CDS1: variants seen among roughly 807,000 people sequenced by gnomAD.
The protein encoded by CDS1 is CDP-diacylglycerol synthase 1.
Under a neutral mutation model 62.1 loss-of-function variants are expected in CDS1, and 41 were observed. The observed-to-expected ratio is 0.66, with a 90% CI of 0.51 to 0.86. CDS1 has a LOEUF of 0.86. CDS1 is among the 40% of genes least tolerant of loss of function. The pLI, the probability that CDS1 is intolerant of heterozygous loss-of-function variation, is 0.00. For synonymous variants in CDS1, 185 were observed against 192.6 expected (o/e 0.96, Z 0.32); for missense variants, 470 against 550.1 (o/e 0.85, Z 1.46).
At chr4:84,585,816 G>A (rs1336928620) in intron 1 of CDS1, among the ~76,000 whole-genome samples, 1 of 152,186 alleles carries the variant, frequency 6.6e-6, no homozygotes, top group Non-Finnish European at 1.5e-5. Flanking sequence ...AGTGTTAAAT[G>A]TTGGAGTGGT....
rs1394834287 is a variant in CDS1 at position 84,583,315 on chromosome 4, G to A, written c.-87G>A. 2 of 969,464 alleles carry A rather than the reference G, an allele frequency of 2.1e-6. No homozygotes were observed. Among genetic ancestry groups the A allele is most frequent in the Admixed American group, 4.5e-5 (2 of 44,296 alleles). 60.1% of individuals were successfully genotyped at this position (969,464 alleles called of 1,614,324 possible). A position where few individuals can be genotyped will look rare whatever the true frequency, so the allele number is the denominator to read the frequency against. On this transcript the variant is annotated 5_prime_UTR_variant, in exon 1 of 13. Coordinates refer to ENST00000295887, the MANE Select transcript of CDS1 (RefSeq NM_001263.4). ...GGACTCCAGGGCGCGGCTGCGAGGT[G>A]GCGGGGCGCCCCGCCTGCAGAACCC...
At chr4:84,620,292 A>G (rs1403495959) in intron 5 of CDS1, among the ~76,000 whole-genome samples, 1 of 132,376 alleles carries the variant, frequency 7.6e-6, no homozygotes, top group Non-Finnish European at 1.5e-5. Flanking sequence ...GTGTGATCTC[A>G]GCTCACTGCA....
At chr4:84,619,362 A>C (rs948719922) in intron 4 of CDS1, 32 bp from the exon 5 acceptor site, 1 of 1,258,866 alleles carries the variant, frequency 7.9e-7, no homozygotes, top group Non-Finnish European at 1.1e-6. Context: ...AAAGCTTCAA[A>C]TATAGAAAAG....
intron 6 of CDS1, among the ~76,000 whole-genome samples, chr4:84,632,986 T>C (rs1285173416): frequency 6.6e-6 from 1 of 152,010 alleles, no homozygotes; most frequent in African/African-American, 2.4e-5. Flanking sequence ...TAACCGGGCG[T>C]GGTGGCACAC....
Position 84,609,497 on chromosome 4 carries a change from A to C in CDS1, c.314A>C (p.Tyr105Ser). ...TMISLFFLII[Y>S]MGSFMLMLLV... ...ATCTCGTTGTTTTTCCTGATCATCT[A>C]TATGGGATCCTTCATGCTGATGCTT... Residue 105 changes from tyrosine (Y) to serine (S), a missense_variant, in exon 3 of 13, where the codon TAT becomes TCT. By Grantham distance (144) the Tyr-to-Ser change is moderately radical. This residue lies in a region of CDS1 where 150 missense variants were observed against 142.0 expected (regional missense o/e 1.06). Coordinates refer to ENST00000295887, the MANE Select transcript of CDS1 (RefSeq NM_001263.4). The C allele has an allele frequency of 6.2e-7, 1 of 1,606,938 alleles. No individual in the cohort carries two copies. Among genetic ancestry groups the C allele is most frequent in the Non-Finnish European group, 8.5e-7 (1 of 1,173,816 alleles).
chr4:84,604,410 AT>A, intron 2 of CDS1, 40 bp downstream of exon 2: 1 of 1,598,700 alleles, frequency 6.3e-7, no homozygotes, highest in Non-Finnish European at 8.5e-7. Context: ...AGTGCACAAG[AT>A]AGGCTTTGAG....
At chr4:84,607,978 G>A (rs1169212315) in intron 2 of CDS1, among the ~76,000 whole-genome samples, 1 of 152,142 alleles carries the variant, frequency 6.6e-6, no homozygotes, top group Non-Finnish European at 1.5e-5. Context: ...ATATGACATG[G>A]TAACACAAGG....
intron 10 of CDS1, among the ~76,000 whole-genome samples, chr4:84,642,114 T>G (rs1210949661): frequency 6.6e-6 from 1 of 152,154 alleles, no homozygotes; most frequent in Non-Finnish European, 1.5e-5. Flanking sequence ...GATCACCTGA[T>G]GCCAGGAGTT....
At chr4:84,599,403 CACATATATAT>C (rs1270541242) in intron 1 of CDS1, among the ~76,000 whole-genome samples, 87 of 17,142 alleles carry the variant, frequency 5.1e-3, no homozygotes, top group Non-Finnish European at 6.6e-3. Context: ...GACACACACA[CACATATATAT>C]ATATATATAT....
chr4:84,622,609 T>C (rs1319242770), intron 5 of CDS1, among the ~76,000 whole-genome samples: 3 of 152,006 alleles, frequency 2.0e-5, no homozygotes, highest in African/African-American at 7.2e-5. Flanking sequence ...ATAATAATAA[T>C]AATAAAAGAA....
intron 1 of CDS1, 129 bp from the exon 2 acceptor site, chr4:84,604,114 T>A (rs1450754900): frequency 1.3e-6 from 1 of 741,258 alleles, no homozygotes; most frequent in Non-Finnish European, 2.2e-6. Flanking sequence ...ATTTTCAAGA[T>A]AAATAGTAGT....
Position 84,619,382 on chromosome 4 carries a change from T to C in CDS1, c.441-12T>C. On this transcript the variant is annotated splice_polypyrimidine_tract_variant and intron_variant, in intron 4 of 12. Transcript: ENST00000295887. ...TTCAAATATAGAAAAGCTAATTGTT[T>C]TTAAATTATAGGTACTTTCTATTGT... is the stretch of plus-strand genomic sequence containing the variant. 7.1e-7 allele frequency: 1 copy of C among 1,407,868 alleles called. No homozygotes were observed. The highest frequency in any genetic ancestry group is 1.5e-5 in the South Asian group (1 of 67,778). 87.2% of individuals were successfully genotyped at this position (1,407,868 alleles called of 1,614,324 possible). A position where few individuals can be genotyped will look rare whatever the true frequency, so the allele number is the denominator to read the frequency against.
intron 1 of CDS1, among the ~76,000 whole-genome samples, chr4:84,599,856 C>T (rs1722883420): frequency 6.6e-6 from 1 of 152,000 alleles, no homozygotes; most frequent in Non-Finnish European, 1.5e-5. Context: ...GTGCACAAGT[C>T]TTTGCTTGTA....
At chr4:84,604,082 AAAG>A (rs1040139676) in intron 1 of CDS1, among the ~76,000 whole-genome samples, 158 bp from the exon 2 acceptor site, 2 of 152,196 alleles carry the variant, frequency 1.3e-5, no homozygotes, top group Admixed American at 6.5e-5. Flanking sequence ...CTTTCCTAAC[AAAG>A]AAGTATAGCA....
intron 2 of CDS1, among the ~76,000 whole-genome samples, chr4:84,608,883 A>T (rs971832348): frequency 1.3e-5 from 2 of 152,042 alleles, no homozygotes; most frequent in Admixed American, 6.6e-5. Flanking sequence ...TTTAACAAAA[A>T]TTATTTTCTT....
chr4:84,583,516 AAAGT>A lies in CDS1; in HGVS notation c.117+3_117+6del, dbSNP rs1274460963. 2.0e-6 allele frequency: 3 copies of A among 1,517,250 alleles called. No homozygotes were observed. The highest frequency in any genetic ancestry group is 2.1e-5 in the Admixed American group (1 of 47,172). 94.0% of individuals were successfully genotyped at this position (1,517,250 alleles called of 1,614,324 possible). A position where few individuals can be genotyped will look rare whatever the true frequency, so the allele number is the denominator to read the frequency against. ...CCACGAAACCGAGAGCACCAGCGAC[AAAGT>A]AAGTGGAGCCGAGAGAGGCGGACGC... On this transcript the variant is annotated splice_donor_variant and coding_sequence_variant, in exon 1 of 13. Coordinates refer to ENST00000295887, the MANE Select transcript of CDS1 (RefSeq NM_001263.4). LOFTEE classifies it high-confidence loss of function.
At chr4:84,597,812 A>C (rs919939234) in intron 1 of CDS1, among the ~76,000 whole-genome samples, 1 of 152,130 alleles carries the variant, frequency 6.6e-6, no homozygotes, top group Admixed American at 6.5e-5. Context: ...GAGAAAGAGA[A>C]GGAATCCATG....
chr4:84,619,613 T>A, intron 5 of CDS1, 80 bp downstream of exon 5: 1 of 882,854 alleles, frequency 1.1e-6, no homozygotes, highest in Non-Finnish European at 1.6e-6. Flanking sequence ...TTTTAATTAG[T>A]AATTTTTTGG....
rs1265439072 is a variant in CDS1, at chr4:84,595,205, T to A, written c.118-9038T>A. Among the ~76,000 whole-genome samples, 3 of 152,114 alleles carry A rather than the reference T, an allele frequency of 2.0e-5. No homozygotes were observed. The East Asian group carries it at 5.8e-4, about 29-fold the overall frequency. Reference sequence around the variant, plus strand: ...TACTCTGTTTCTTGTTTTCTGGAGCTGGTTTCTGCTTACTCCTTAGGAAAG... The same window carrying A: ...TACTCTGTTTCTTGTTTTCTGGAGCAGGTTTCTGCTTACTCCTTAGGAAAG... On this transcript the variant is annotated intron_variant, in intron 1 of 12. Transcript: ENST00000295887.
Sources: allele counts gnomAD v4.1 joint callset (sites outside exome capture counted in the v4.1 genomes callset), GRCh38; gene constraint gnomAD v4.1.1; regional missense constraint gnomAD v4.1.1; transcripts MANE v1.5; gene names NCBI Gene and HGNC (gene_info 2026-07-23, HGNC 2026-07-21).